Variants in ZCCHC7 observed in about 807,000 individuals in gnomAD.
ZCCHC7 encodes zinc finger CCHC domain-containing protein 7.
Under a neutral mutation model 52.0 loss-of-function variants are expected in ZCCHC7, and 35 were observed. That is an observed-to-expected ratio of 0.67 (90% CI 0.51 to 0.89). The LOEUF (loss-of-function observed/expected upper bound fraction) is 0.89. Among genes scored for constraint, ZCCHC7 ranks in the 40% least tolerant of loss-of-function variants. The pLI, the probability that ZCCHC7 is intolerant of heterozygous loss-of-function variation, is 0.00. For synonymous variants in ZCCHC7, 217 were observed against 221.5 expected (o/e 0.98, Z 0.18); for missense variants, 574 against 649.1 (o/e 0.88, Z 1.26).
chr9:37,126,975 A>G (rs1339342530), intron 2 of ZCCHC7, 33 bp downstream of exon 2: 17 of 1,599,758 alleles, frequency 1.1e-5, no homozygotes, highest in African/African-American at 2.7e-5. Context: ...TGAAAGTAGT[A>G]TCATCTTTCA....
At chr9:37,315,394 CGTTT>C (rs1349505330) in intron 5 of ZCCHC7, among the ~76,000 whole-genome samples, 1 of 151,666 alleles carries the variant, frequency 6.6e-6, no homozygotes, top group Non-Finnish European at 1.5e-5. Flanking sequence ...GCGTGATCTT[CGTTT>C]GTTGTAAGGC....
intron 2 of ZCCHC7, among the ~76,000 whole-genome samples, chr9:37,251,812 G>T (rs1290224481): frequency 6.6e-6 from 1 of 152,188 alleles, no homozygotes; most frequent in African/African-American, 2.4e-5. Flanking sequence ...GGTAACTAGA[G>T]AGTATCACCA....
intron 5 of ZCCHC7, among the ~76,000 whole-genome samples, chr9:37,319,880 G>A (rs1484090170): frequency 2.6e-5 from 4 of 152,064 alleles, no homozygotes; most frequent in South Asian, 2.1e-4. Context: ...ACCATTTGTC[G>A]AAAAGACTTT....
At chr9:37,337,691 A>T (rs914535032) in intron 6 of ZCCHC7, among the ~76,000 whole-genome samples, 4 of 152,180 alleles carry the variant, frequency 2.6e-5, no homozygotes, top group African/African-American at 9.7e-5. Context: ...ATACATTTTT[A>T]AAATAAGGCC....
At chr9:37,294,867 A>G (rs1032338136) in intron 2 of ZCCHC7, among the ~76,000 whole-genome samples, 7 of 152,334 alleles carry the variant, frequency 4.6e-5, no homozygotes, top group Admixed American at 2.6e-4. Flanking sequence ...CCCTTAATAC[A>G]GAGTTTAAAA....
intron 2 of ZCCHC7, among the ~76,000 whole-genome samples, chr9:37,130,004 C>T (rs750274080): frequency 2.0e-5 from 3 of 152,032 alleles, no homozygotes; most frequent in South Asian, 4.1e-4. Context: ...TTTGAGAGGC[C>T]GAGGCGGGTG....
At chr9:37,309,679 T>G (rs1388505102) in intron 5 of ZCCHC7, among the ~76,000 whole-genome samples, 3 of 152,172 alleles carry the variant, frequency 2.0e-5, no homozygotes. Flanking sequence ...CCCAGCACTT[T>G]GGGAGGCCGA....
At chr9:37,184,430 A>G (rs184367664) in intron 2 of ZCCHC7, among the ~76,000 whole-genome samples, 1 of 149,464 alleles carries the variant, frequency 6.7e-6, no homozygotes, top group East Asian at 2.0e-4. Context: ...AAGTTATGCC[A>G]GAGCTGGGAG....
At chr9:37,240,629 C>A (rs1201394495) in intron 2 of ZCCHC7, among the ~76,000 whole-genome samples, 1 of 151,830 alleles carries the variant, frequency 6.6e-6, no homozygotes, top group Non-Finnish European at 1.5e-5. Context: ...TTTTTTTACC[C>A]TCACTGAATA....
intron 2 of ZCCHC7, among the ~76,000 whole-genome samples, chr9:37,180,777 A>G (rs1046823455): frequency 6.6e-6 from 1 of 152,126 alleles, no homozygotes; most frequent in Admixed American, 6.5e-5. Context: ...GATTTTCTTT[A>G]TCAAAATGCT....
chr9:37,130,334 C>CCT (rs1842723650), intron 2 of ZCCHC7, among the ~76,000 whole-genome samples: 1 of 63,100 alleles, frequency 1.6e-5, no homozygotes, highest in Non-Finnish European at 2.9e-5. Context: ...GAATTCTCTC[C>CCT]TTTTTTTTTT....
At chr9:37,330,229 A>T (rs2118225317) in intron 6 of ZCCHC7, among the ~76,000 whole-genome samples, 1 of 151,914 alleles carries the variant, frequency 6.6e-6, no homozygotes, top group East Asian at 1.9e-4. Flanking sequence ...CCAAATAAAA[A>T]ATTCCTTAAA....
chr9:37,229,629 G>A (rs1008627131), intron 2 of ZCCHC7, among the ~76,000 whole-genome samples: 1 of 152,150 alleles, frequency 6.6e-6, no homozygotes, highest in African/African-American at 2.4e-5. Context: ...TACTATGAAT[G>A]GAGCTTTTAG....
intron 2 of ZCCHC7, among the ~76,000 whole-genome samples, chr9:37,155,313 A>G (rs1796475531): frequency 1.3e-5 from 2 of 151,976 alleles, no homozygotes; most frequent in Non-Finnish European, 2.9e-5. Flanking sequence ...GTGAGCCACC[A>G]CTGCACTCCA....
At chr9:37,325,735 A>G in intron 5 of ZCCHC7, among the ~76,000 whole-genome samples, 1 of 152,226 alleles carries the variant, frequency 6.6e-6, no homozygotes, top group East Asian at 1.9e-4. Flanking sequence ...TAAGTATTAC[A>G]AAAAATAGCA....
At position 37,212,811 on chromosome 9, in the gene ZCCHC7, C is replaced by G. The variant is rs565828613; in HGVS notation, c.610+85869C>G. On this transcript the variant is annotated intron_variant, in intron 2 of 8. Transcript: ENST00000336755. The stretch of plus-strand genomic sequence containing the variant: ...TACATCAACAATATATCAGTGTATA[C>G]ACCTTCTGAATCCTTCTATATCTTT... Among the ~76,000 whole-genome samples, 216 of 152,324 alleles carry G rather than the reference C, an allele frequency of 1.4e-3. 1 individual carries two copies. Among genetic ancestry groups the G allele is most frequent in the African/African-American group, 4.4e-3 (182 of 41,568 alleles).
chr9:37,144,478 A>G (rs1487292978), intron 2 of ZCCHC7, among the ~76,000 whole-genome samples: 2 of 152,004 alleles, frequency 1.3e-5, no homozygotes, highest in Non-Finnish European at 2.9e-5. Context: ...ATTTTAATTT[A>G]GTAAGCTTGC....
At chr9:37,236,079 G>C (rs1391488832) in intron 2 of ZCCHC7, among the ~76,000 whole-genome samples, 1 of 152,116 alleles carries the variant, frequency 6.6e-6, no homozygotes, top group Non-Finnish European at 1.5e-5. Flanking sequence ...CAATGGGATT[G>C]CTGGATCATA....
intron 2 of ZCCHC7, among the ~76,000 whole-genome samples, chr9:37,254,791 G>A (rs531336683): frequency 6.9e-6 from 1 of 145,850 alleles, no homozygotes; most frequent in Non-Finnish European, 1.5e-5. Context: ...ACTTAAAGTG[G>A]AGCATAACAT....
Sources: gnomAD v4.1 joint callset for allele counts (sites outside exome capture counted in the v4.1 genomes callset) on GRCh38, gnomAD v4.1.1 for gene constraint, MANE v1.5 for transcripts, NCBI Gene and HGNC (gene_info 2026-07-23, HGNC 2026-07-21) for gene names.